Variants in RASA4B observed in about 807,000 individuals in gnomAD.
RASA4B encodes ras GTPase-activating protein 4B.
A neutral mutation model predicts 24.2 loss-of-function variants in RASA4B; 2 were observed. The ratio of observed to expected loss-of-function variants is 0.08; its 90% CI spans 0.03 to 0.26. The LOEUF (loss-of-function observed/expected upper bound fraction) is 0.26. Among genes scored for constraint, RASA4B ranks in the 10% least tolerant of loss-of-function variants. The probability of loss-of-function intolerance (pLI) is 1.00; values close to 1 mark genes in which losing one functional copy is unlikely to be tolerated. For missense variants in RASA4B, 8 were observed against 277.2 expected, an observed-to-expected ratio of 0.03 and a Z score of 6.90; for synonymous variants, 2 against 125.6, an observed-to-expected ratio of 0.02 and a Z score of 6.58.
chr7:102,496,106 T>C (rs1316642374), intron 11 of RASA4B, 34 bp downstream of exon 11: 2 of 1,612,904 alleles, frequency 1.2e-6, no homozygotes, highest in African/African-American at 1.3e-5. Context: ...TGTTGTCGTT[T>C]GCAAGATGAG....
chr7:102,491,699 G>A (rs1486425579), intron 16 of RASA4B, among the ~76,000 whole-genome samples: 1 of 83,096 alleles, frequency 1.2e-5, no homozygotes, highest in East Asian at 5.7e-4. Context: ...CCCGGGAGGC[G>A]GAGGTTGCGG....
At chr7:102,500,460 G>C (rs1799325446) in intron 8 of RASA4B, among the ~76,000 whole-genome samples, 1 of 142,038 alleles carries the variant, frequency 7.0e-6, no homozygotes, top group Non-Finnish European at 1.6e-5. Context: ...GACAGAGTGA[G>C]ACTCCATCTC....
intron 8 of RASA4B, among the ~76,000 whole-genome samples, 192 bp from the exon 9 acceptor site, chr7:102,497,156 C>G (rs529522590): frequency 0.026 from 3,874 of 147,282 alleles, 14 homozygotes; most frequent in African/African-American, 0.091. Flanking sequence ...TTTGGAAAGC[C>G]CTTCCTGTCT....
At chr7:102,489,574 C>A (rs1375867476) in intron 17 of RASA4B, among the ~76,000 whole-genome samples, 22 of 147,352 alleles carry the variant, frequency 1.5e-4, no homozygotes, top group African/African-American at 4.9e-4. Flanking sequence ...CTCACTGCAA[C>A]CTCCACCTCC....
In RASA4B at chr7:102,480,114, G is replaced by C. The variant is rs530660865; in HGVS notation, c.*3478C>G. Among the ~76,000 whole-genome samples, 5 of 152,258 alleles carry C rather than the reference G, an allele frequency of 3.3e-5. No individual in the cohort carries two copies. In the East Asian group the frequency reaches 9.6e-4, roughly 29 times the overall value. Reference sequence around the variant, plus strand: ...CAGAAGACAAGAGTGCGAGCTTTCTGTTATGCCCGGACAGGGCCACCAGAG... The same window carrying C: ...CAGAAGACAAGAGTGCGAGCTTTCTCTTATGCCCGGACAGGGCCACCAGAG... On this transcript the variant is annotated 3_prime_UTR_variant, in exon 21 of 21. Coordinates refer to ENST00000465829, the MANE Select transcript of RASA4B (RefSeq NM_001367767.2).
Position 102,481,704 on chromosome 7 carries a change from T to G in RASA4B, c.*1888A>C. 7.5e-6 allele frequency among the ~76,000 whole-genome samples: 1 copy of G among 133,274 alleles called. No homozygotes were observed. Among genetic ancestry groups the G allele is most frequent in the African/African-American group, 2.6e-5 (1 of 37,886 alleles). The allele number at this position is 133,274 out of a possible 152,430, so 87.4% of individuals were successfully genotyped here. A position where few individuals can be genotyped will look rare whatever the true frequency, so the allele number is the denominator to read the frequency against. ...AAAAAAATTATAAAGTTCCCCTTCA[T>G]CTGAAAATTGAATGTGATTTTAAAC... On this transcript the variant is annotated 3_prime_UTR_variant, in exon 21 of 21. Transcript: ENST00000465829.
intron 1 of RASA4B, among the ~76,000 whole-genome samples, chr7:102,514,902 G>A (rs1431913532): frequency 2.7e-5 from 3 of 110,142 alleles, no homozygotes; most frequent in African/African-American, 8.5e-5. Context: ...AGTGGGAAGA[G>A]GCAGGGCAGG....
intron 5 of RASA4B, among the ~76,000 whole-genome samples, 175 bp downstream of exon 5, chr7:102,506,520 T>G (rs1380335809): frequency 2.9e-5 from 4 of 138,452 alleles, no homozygotes; most frequent in African/African-American, 1.0e-4. Context: ...GTGCTGGGAT[T>G]ACAGGTGTGA....
At chr7:102,495,727 T>G (rs1358534820) in intron 11 of RASA4B, among the ~76,000 whole-genome samples, 667 of 7,804 alleles carry the variant, frequency 0.085, no homozygotes, top group Non-Finnish European at 0.12. Flanking sequence ...GGGGGGGGGG[T>G]GCGGGGCACG....
At chr7:102,491,345 T>A (rs1798938668) in intron 16 of RASA4B, among the ~76,000 whole-genome samples, 1 of 22,026 alleles carries the variant, frequency 4.5e-5, no homozygotes, top group African/African-American at 5.5e-5. Flanking sequence ...GCCTCGGAGG[T>A]GTGAGCTTTG....
intron 5 of RASA4B, among the ~76,000 whole-genome samples, chr7:102,504,679 C>CAAAA (rs371687112): frequency 1.0e-5 from 1 of 96,478 alleles, no homozygotes; most frequent in African/African-American, 4.1e-5. Context: ...CAGACTGCCT[C>CAAAA]AAAAAAAAAA....
At chr7:102,512,867 G>A (rs1327943746) in intron 1 of RASA4B, among the ~76,000 whole-genome samples, 2 of 149,920 alleles carry the variant, frequency 1.3e-5, no homozygotes, top group Non-Finnish European at 3.0e-5. Flanking sequence ...TGAGGGAGGG[G>A]GTGAGAGGGA....
chr7:102,508,748 G>A (rs1467314555), intron 4 of RASA4B, among the ~76,000 whole-genome samples: 2 of 138,576 alleles, frequency 1.4e-5, no homozygotes, highest in Admixed American at 1.5e-4. Context: ...TGGGATTATA[G>A]GTGTGAGCCA....
intron 16 of RASA4B, among the ~76,000 whole-genome samples, chr7:102,492,687 C>T (rs561918192): frequency 2.9e-5 from 4 of 137,546 alleles, no homozygotes; most frequent in Non-Finnish European, 3.2e-5. Context: ...TTTTTTGAGA[C>T]GGAGTCTTGC....
intron 5 of RASA4B, among the ~76,000 whole-genome samples, chr7:102,504,211 C>A (rs1209565856): frequency 6.6e-6 from 1 of 152,350 alleles, no homozygotes; most frequent in African/African-American, 2.4e-5. Context: ...TGGGCTCAAG[C>A]AATCCTCCCA....
chr7:102,489,605 G>C (rs1214711569), intron 17 of RASA4B, among the ~76,000 whole-genome samples: 3 of 148,606 alleles, frequency 2.0e-5, no homozygotes, highest in Non-Finnish European at 4.5e-5. Context: ...CGATTCTCCT[G>C]CCTCAGCCCC....
chr7:102,508,950 G>GCA (rs1799617633), intron 4 of RASA4B, among the ~76,000 whole-genome samples: 1 of 145,880 alleles, frequency 6.9e-6, no homozygotes. Flanking sequence ...AGGACTACAG[G>GCA]TGCCTGCCAC....
chr7:102,494,042 C>T (rs1799046817), intron 14 of RASA4B, 73 bp from the exon 15 acceptor site: 1 of 150,202 alleles, frequency 6.7e-6, no homozygotes, highest in African/African-American at 2.5e-5. Context: ...TCCCACCCCC[C>T]CTCCCCAAGT....
intron 17 of RASA4B, among the ~76,000 whole-genome samples, chr7:102,489,664 T>G (rs1414017931): frequency 6.7e-6 from 1 of 149,314 alleles, no homozygotes; most frequent in African/African-American, 2.4e-5. Flanking sequence ...GGCTACTTTT[T>G]GTACTCTCCC....
Sources: gnomAD v4.1 joint callset for allele counts (sites outside exome capture counted in the v4.1 genomes callset) on GRCh38, gnomAD v4.1.1 for gene constraint, MANE v1.5 for transcripts, NCBI Gene and HGNC (gene_info 2026-07-23, HGNC 2026-07-21) for gene names.